DNAH14: variants seen among roughly 807,000 people sequenced by gnomAD.
The protein encoded by DNAH14 is axonemal beta dynein heavy chain 14.
DNAH14 carries 478 observed loss-of-function variants against 520.9 expected under a neutral mutation model. The observed-to-expected ratio is 0.92, with a 90% confidence interval of 0.85 to 0.99. The LOEUF is 0.99. Ranked by LOEUF, DNAH14 falls within the 50% of genes least tolerant of loss-of-function variation. DNAH14 has a pLI of 0.00. For missense variants in DNAH14, 4,831 were observed against 5,234.5 expected, an observed-to-expected ratio of 0.92 and a Z score of 2.38; for synonymous variants, 1,581 against 1,757.2, an observed-to-expected ratio of 0.90 and a Z score of 2.51.
chr1:225,142,285 A>G (rs1345408371), intron 28 of DNAH14, among the ~76,000 whole-genome samples: 2 of 152,210 alleles, frequency 1.3e-5, no homozygotes, highest in Non-Finnish European at 1.5e-5. Flanking sequence ...GTTTAGGGCT[A>G]TAGTTCCCAA....
At chr1:225,134,202 T>G (rs2078745672) in intron 27 of DNAH14, among the ~76,000 whole-genome samples, 2 of 152,160 alleles carry the variant, frequency 1.3e-5, no homozygotes, top group Admixed American at 1.3e-4. Context: ...TTCTTCCTAT[T>G]TGAATACCCT....
rs902484498 is a variant in DNAH14 at position 225,186,634 on chromosome 1, A to G, written c.5670+1209A>G. Among the ~76,000 whole-genome samples the G allele has an allele frequency of 4.0e-5, 6 of 151,860 alleles. No homozygotes were observed. The South Asian group carries it at 1.2e-3, about 31-fold the overall frequency. On this transcript the variant is annotated intron_variant, in intron 37 of 85. Transcript: ENST00000682510. ...ACGTATTACTGTATTAGCTTTGATT[A>G]TTTATTCTACACTAAATATATTTTG...
At chr1:225,007,839 A>G (rs1443828049) in intron 10 of DNAH14, among the ~76,000 whole-genome samples, 1 of 151,960 alleles carries the variant, frequency 6.6e-6, no homozygotes, top group African/African-American at 2.4e-5. Context: ...CTCAAACTTT[A>G]GTGGCCAAGA....
At position 225,270,292 on chromosome 1, in the gene DNAH14, A is replaced by G. The variant is rs924737662; in HGVS notation, c.7540-443A>G. Among the ~76,000 whole-genome samples, 15 of 131,056 alleles carry G rather than the reference A, an allele frequency of 1.1e-4. 1 individual carries two copies. In the South Asian group the frequency reaches 3.9e-3, roughly 34 times the overall value. 86.0% of individuals were successfully genotyped at this position (131,056 alleles called of 152,430 possible). ...AACAATGAGAACACTTGGACACAGAATGGGGAACCTCACACACCGGGGCCT... is the reference window on the plus strand; with the variant it reads ...AACAATGAGAACACTTGGACACAGAGTGGGGAACCTCACACACCGGGGCCT... On this transcript the variant is annotated intron_variant, in intron 49 of 85. Coordinates refer to ENST00000682510, the MANE Select transcript of DNAH14 (RefSeq NM_001367479.1).
At chr1:225,297,675 G>C (rs1248244273) in intron 55 of DNAH14, among the ~76,000 whole-genome samples, 1 of 152,242 alleles carries the variant, frequency 6.6e-6, no homozygotes, top group African/African-American at 2.4e-5. Context: ...TAGGCTGTGA[G>C]GGTTTGTGGA....
intron 18 of DNAH14, 24 bp downstream of exon 18, chr1:225,079,572 A>ATTT: frequency 7.2e-7 from 1 of 1,384,904 alleles, no homozygotes; most frequent in South Asian, 1.5e-5. Flanking sequence ...GTTTTTTTGG[A>ATTT]TTTTTTTTTT....
intron 79 of DNAH14, among the ~76,000 whole-genome samples, chr1:225,379,133 G>A (rs577151190): frequency 7.9e-5 from 12 of 152,246 alleles, no homozygotes; most frequent in South Asian, 2.1e-4. Flanking sequence ...CACCACCCGC[G>A]GAGTGTGTGA....
intron 45 of DNAH14, among the ~76,000 whole-genome samples, chr1:225,258,674 C>T (rs2092825162): frequency 6.6e-6 from 1 of 152,240 alleles, no homozygotes; most frequent in Non-Finnish European, 1.5e-5. Context: ...ATAACACATA[C>T]CTTGCCTCTA....
chr1:225,031,373 G>C (rs1460858487), intron 11 of DNAH14, among the ~76,000 whole-genome samples: 1 of 152,002 alleles, frequency 6.6e-6, no homozygotes, highest in Non-Finnish European at 1.5e-5. Context: ...TTGGACTATA[G>C]CCACGCCCAT....
chr1:225,358,345 C>T (rs2095455469), intron 73 of DNAH14, 151 bp from the exon 74 acceptor site: 6 of 665,356 alleles, frequency 9.0e-6, no homozygotes, highest in Non-Finnish European at 1.5e-5. Context: ...CTCCTCCATG[C>T]ATAGTCTGTC....
At chr1:225,074,858 G>A (rs1297606230) in intron 17 of DNAH14, among the ~76,000 whole-genome samples, 1 of 152,196 alleles carries the variant, frequency 6.6e-6, no homozygotes. Flanking sequence ...TGCTACCTGT[G>A]GCTGGCTGGA....
At chr1:225,273,480 C>T (rs1458049513) in intron 52 of DNAH14, among the ~76,000 whole-genome samples, 1 of 152,050 alleles carries the variant, frequency 6.6e-6, no homozygotes, top group Non-Finnish European at 1.5e-5. Context: ...GATTATTGGG[C>T]AAAAAATGTT....
At chr1:225,207,374 A>T (rs2087722769) in intron 41 of DNAH14, among the ~76,000 whole-genome samples, 154 bp downstream of exon 41, 1 of 152,222 alleles carries the variant, frequency 6.6e-6, no homozygotes. Flanking sequence ...CAAATTAAAA[A>T]CCATTTATAG....
chr1:225,171,510 G>C (rs2082662559), intron 36 of DNAH14, among the ~76,000 whole-genome samples: 1 of 152,116 alleles, frequency 6.6e-6, no homozygotes, highest in African/African-American at 2.4e-5. Context: ...AAATAACCTT[G>C]AAAATCTAGA....
At chr1:224,948,083 A>T (rs971939820) in intron 1 of DNAH14, among the ~76,000 whole-genome samples, 4 of 151,774 alleles carry the variant, frequency 2.6e-5, no homozygotes, top group Non-Finnish European at 5.9e-5. Context: ...TAATGTTTTC[A>T]TTTGTTTGTT....
At chr1:225,304,669 G>A (rs652635) in intron 57 of DNAH14, among the ~76,000 whole-genome samples, 48 of 137,802 alleles carry the variant, frequency 3.5e-4, no homozygotes, top group South Asian at 1.0e-3. Flanking sequence ...AGTAACATAC[G>A]GGTAAAGCCT....
chr1:225,281,050 G>A (rs2093617765), intron 54 of DNAH14, among the ~76,000 whole-genome samples: 1 of 152,082 alleles, frequency 6.6e-6, no homozygotes, highest in African/African-American at 2.4e-5. Flanking sequence ...AATTACATAG[G>A]TAAATATAGG....
At chr1:225,201,476 T>C (rs1473307698) in intron 38 of DNAH14, among the ~76,000 whole-genome samples, 1 of 152,166 alleles carries the variant, frequency 6.6e-6, no homozygotes, top group Admixed American at 6.5e-5. Flanking sequence ...TTTCTGGTTC[T>C]TTCTCATTTG....
In DNAH14 at chr1:225,389,830, G is replaced by T. The variant is rs755409371; in HGVS notation, c.13287G>T (p.Gly4429=). The T allele has an allele frequency of 2.6e-6, 4 of 1,551,620 alleles. No homozygotes were observed. The South Asian group carries it at 4.8e-5, about 18-fold the overall frequency. ...ATTCAGAGAACAATTTCTTTGAAGG[G>T]TTTCCTTCAAGATACTGGCTCCCAG... ...PEDSENNFFE[G]FPSRYWLPAF... is the part of the protein sequence containing the mutation. Residue 4429 remains glycine (G), a synonymous_variant, in exon 83 of 86, where the codon GGG becomes GGT. Coordinates refer to ENST00000682510, the MANE Select transcript of DNAH14 (RefSeq NM_001367479.1).
Sources: allele counts gnomAD v4.1 joint callset (sites outside exome capture counted in the v4.1 genomes callset), GRCh38; gene constraint gnomAD v4.1.1; transcripts MANE v1.5; gene names NCBI Gene and HGNC (gene_info 2026-07-23, HGNC 2026-07-21).